GARNL3: variants seen among roughly 807,000 people sequenced by gnomAD.
GARNL3 encodes the protein GTPase activating Rap/RanGAP domain like 3, also known as GTPase-activating Rap/Ran-GAP domain-like protein 3.
GARNL3 carries 63 observed loss-of-function variants against 125.0 expected under a neutral mutation model. The observed-to-expected ratio is 0.50, with a 90% CI of 0.41 to 0.62. GARNL3 has a LOEUF of 0.62. Among genes scored for constraint, GARNL3 ranks in the 20% least tolerant of loss-of-function variants. The pLI is 0.00. For missense variants in GARNL3, 994 were observed against 1,244.0 expected, an observed-to-expected ratio of 0.80 and a Z score of 3.02; for synonymous variants, 439 against 457.5, an observed-to-expected ratio of 0.96 and a Z score of 0.52.
At chr9:127,230,644 A>C (rs1249846331) in intron 1 of GARNL3, among the ~76,000 whole-genome samples, 4 of 146,918 alleles carry the variant, frequency 2.7e-5, no homozygotes, top group Admixed American at 6.9e-5. Flanking sequence ...CAAGAGTGAA[A>C]CTCCATCTCA....
intron 2 of GARNL3, among the ~76,000 whole-genome samples, chr9:127,257,411 G>C (rs2063512402): frequency 6.6e-6 from 1 of 152,206 alleles, no homozygotes; most frequent in Non-Finnish European, 1.5e-5. Context: ...GACTGGTCCA[G>C]CTTCTCCACT....
rs114158337 is a variant in GARNL3, at chr9:127,325,916, A to G, written c.594+821A>G. Among the ~76,000 whole-genome samples, 1,325 of 152,292 alleles carry G rather than the reference A, an allele frequency of 8.7e-3. 24 individuals carry two copies. Among genetic ancestry groups the G allele is most frequent in the African/African-American group, 0.03 (1,234 of 41,556 alleles). ...TGGAATCGGGTCATCTCTCTGCTCA[A>G]AACTCTAAAGGTTTCCTGTCCTGTT... On this transcript the variant is annotated intron_variant, in intron 7 of 27. Coordinates refer to ENST00000373387, the MANE Select transcript of GARNL3 (RefSeq NM_032293.5).
intron 1 of GARNL3, among the ~76,000 whole-genome samples, chr9:127,270,995 G>A (rs1336259431): frequency 6.7e-6 from 1 of 150,128 alleles, no homozygotes; most frequent in South Asian, 2.1e-4. Context: ...TGTGCTCAGG[G>A]TAGTGGGGTC....
At chr9:127,263,257 G>A (rs1445833883), upstream of GARNL3, among the ~76,000 whole-genome samples, 2 of 152,212 alleles carry the variant, frequency 1.3e-5, no homozygotes, top group African/African-American at 4.8e-5. Context: ...CCCCTCAGCA[G>A]AGCTGATGGC....
chr9:127,227,073 T>G (rs1185781371), intron 1 of GARNL3, among the ~76,000 whole-genome samples: 1 of 152,212 alleles, frequency 6.6e-6, no homozygotes, highest in African/African-American at 2.4e-5. Context: ...TTATTTAGCT[T>G]TAATTAATTT....
rs77103698 is a variant in GARNL3 at position 127,235,809 on chromosome 9, C to G, written c.-28-7270C>G. 5.7e-3 allele frequency among the ~76,000 whole-genome samples: 861 copies of G among 152,278 alleles called. 23 individuals carry two copies. The East Asian group carries it at 0.086, about 15-fold the overall frequency. On this transcript the variant is annotated intron_variant, in intron 1 of 10. Coordinates refer to the GARNL3 transcript ENST00000439286. ...TTTGGAACAGTGAGGGTGAAAATCT[C>G]ACTGGACTGGCTTCAAGAGATAATG...
rs917330580 is a variant in GARNL3 at position 127,266,793 on chromosome 9, G to A, written c.144+1772G>A. ...CTGTCAGGTGAACACTTTGGACTTG[G>A]CCTAGCAAGTAATATGGAGCGCTTT... On this transcript the variant is annotated intron_variant, in intron 1 of 27. Coordinates refer to ENST00000373387, the MANE Select transcript of GARNL3 (RefSeq NM_032293.5). This position sits in a 1 kb window ranked among gnomAD's most constrained non-coding sequence, Gnocchi z 4.0. Among the ~76,000 whole-genome samples, 1 of 152,182 alleles carries A rather than the reference G, an allele frequency of 6.6e-6. No homozygotes were observed. The highest frequency in any genetic ancestry group is 2.4e-5 in the African/African-American group (1 of 41,442).
upstream of GARNL3, among the ~76,000 whole-genome samples, chr9:127,261,061 G>A (rs1006763355): frequency 7.2e-5 from 11 of 152,048 alleles, no homozygotes; most frequent in Non-Finnish European, 1.6e-4. Context: ...TTCGAGACCA[G>A]CCTGGCCAAC....
intron 7 of GARNL3, 90 bp from the exon 8 acceptor site, chr9:127,332,184 C>T: frequency 2.3e-6 from 2 of 881,760 alleles, no homozygotes; most frequent in Non-Finnish European, 1.9e-6. Flanking sequence ...CTGGTGACTG[C>T]CATTGTGCTA....
In GARNL3 at chr9:127,383,478, C is replaced by T; in HGVS notation, c.2202C>T (p.Gly734=). 6.2e-7 allele frequency: 1 copy of T among 1,613,528 alleles called. No homozygotes were observed. The change falls in exon 23 of 28, where the codon GGC becomes GGT. Residue 734 remains glycine, a synonymous_variant. Transcript: ENST00000373387. ...IYKKVCPFNG[G]SFLVQPSASD... is the part of the protein sequence containing the mutation. Reference sequence around the variant, plus strand: ...AAAAGGTTTGCCCCTTTAATGGTGGCTCTTTTTTGGTTCAACCTTCTGCGT... The same window carrying T: ...AAAAGGTTTGCCCCTTTAATGGTGGTTCTTTTTTGGTTCAACCTTCTGCGT...
intron 17 of GARNL3, among the ~76,000 whole-genome samples, 192 bp downstream of exon 17, chr9:127,349,227 A>ATGC (rs1830303583): frequency 6.6e-6 from 1 of 152,116 alleles, no homozygotes; most frequent in African/African-American, 2.4e-5. Flanking sequence ...TGAACCAAGC[A>ATGC]TGCTGGAGGG....
chr9:127,332,440 T>A, intron 8 of GARNL3, 91 bp downstream of exon 8: 4 of 990,850 alleles, frequency 4.0e-6, no homozygotes, highest in African/African-American at 1.6e-5. Flanking sequence ...TCTGTTGAGT[T>A]GGAGTCTTTA....
chr9:127,225,411 G>A (rs2062889219), intron 1 of GARNL3: 1 of 978,568 alleles, frequency 1.0e-6, no homozygotes, highest in African/African-American at 1.8e-5. Context: ...AAGGTACTGC[G>A]GACGGGGAGG....
chr9:127,376,487 A>G (rs949243681), intron 22 of GARNL3, among the ~76,000 whole-genome samples: 15 of 152,066 alleles, frequency 9.9e-5, no homozygotes, highest in Non-Finnish European at 8.8e-5. Context: ...CAGAGTGCTG[A>G]GATTACAGGC....
At chr9:127,233,185 G>A (rs2063050232) in intron 1 of GARNL3, among the ~76,000 whole-genome samples, 1 of 152,222 alleles carries the variant, frequency 6.6e-6, no homozygotes, top group Admixed American at 6.5e-5. Flanking sequence ...TCATGCCACT[G>A]CACTCCAGCC....
intron 2 of GARNL3, chr9:127,300,219 G>T: frequency 3.2e-6 from 1 of 309,740 alleles, no homozygotes; most frequent in South Asian, 3.6e-5. Flanking sequence ...CTGTTACTGA[G>T]GCACCACACA....
chr9:127,263,647 G>A (rs2063639532), upstream of GARNL3: 2 of 1,036,402 alleles, frequency 1.9e-6, no homozygotes, highest in Non-Finnish European at 2.3e-6. Context: ...AGATTTTTGG[G>A]TAGAAAATCA....
rs750365151 is a variant in GARNL3, at chr9:127,345,626, T to A, written c.1431+149T>A. On this transcript the variant is annotated intron_variant, in intron 16 of 27. Transcript: ENST00000373387. ...AGGGAAAGCCCTAGATAAAACTGAG[T>A]GGCCATTTAGTGAGAGCCTCTGTGT... is the stretch of plus-strand genomic sequence containing the variant. 2.8e-5 allele frequency: 15 copies of A among 536,230 alleles called. No homozygotes were observed. The Admixed American group carries it at 5.4e-4, about 19-fold the overall frequency. 33.2% of individuals were successfully genotyped at this position (536,230 alleles called of 1,614,324 possible).
intron 6 of GARNL3, among the ~76,000 whole-genome samples, chr9:127,321,680 C>T (rs562662099): frequency 8.5e-5 from 13 of 152,272 alleles, no homozygotes; most frequent in African/African-American, 2.6e-4. Context: ...AGCTTTGAAA[C>T]TTACAAACAC....
Sources: gnomAD v4.1 joint callset for allele counts (sites outside exome capture counted in the v4.1 genomes callset) on GRCh38, gnomAD v4.1.1 for gene constraint, Gnocchi (gnomAD v3.1) non-coding constraint, MANE v1.5 for transcripts, NCBI Gene and HGNC (gene_info 2026-07-23, HGNC 2026-07-21) for gene names.